The following SP4 variants were observed in gnomAD, a reference collection of about 807,000 sequenced individuals.
SP4 encodes the protein Sp4 transcription factor, also known as transcription factor Sp4.
In SP4, 19 loss-of-function variants were observed where a neutral mutation model predicts 72.8. The observed-to-expected ratio is 0.26, with a 90% CI of 0.18 to 0.38. The LOEUF is 0.38. SP4 is among the 10% of genes least tolerant of loss of function. The pLI is 1.00. For missense variants in SP4, 1,008 were observed against 926.3 expected, an observed-to-expected ratio of 1.09 and a Z score of -1.14; for synonymous variants, 395 against 333.1, an observed-to-expected ratio of 1.19 and a Z score of -2.02.
chr7:21,494,282 C>T (rs959996554), intron 5 of SP4, among the ~76,000 whole-genome samples: 4 of 152,168 alleles, frequency 2.6e-5, no homozygotes, highest in Non-Finnish European at 4.4e-5. Flanking sequence ...AATTTCTACC[C>T]AGTGCAGTAA....
intron 3 of SP4, chr7:21,471,100 G>A (rs758187170): frequency 4.3e-5 from 23 of 534,678 alleles, no homozygotes; most frequent in Admixed American, 1.7e-4. Context: ...GAGAAGACAG[G>A]AGTTCACTGT....
intron 5 of SP4, among the ~76,000 whole-genome samples, chr7:21,493,932 A>T (rs1383853885): frequency 1.3e-5 from 2 of 152,214 alleles, no homozygotes; most frequent in Non-Finnish European, 2.9e-5. Context: ...CCAGCAATAT[A>T]TAAAAAGGAT....
At chr7:21,482,610 G>T in intron 5 of SP4, 7 of 975,672 alleles carry the variant, frequency 7.2e-6, no homozygotes, top group Non-Finnish European at 8.5e-6. Context: ...TTCAAATACA[G>T]CAAAGCAGTT....
intron 3 of SP4, among the ~76,000 whole-genome samples, chr7:21,463,252 T>A (rs1470426212): frequency 1.3e-5 from 2 of 151,942 alleles, no homozygotes; most frequent in East Asian, 3.9e-4. Context: ...ATCTACAGAT[T>A]GTAAGGTGCA....
At chr7:21,445,100 A>T (rs1583388509) in intron 3 of SP4, among the ~76,000 whole-genome samples, 1 of 152,168 alleles carries the variant, frequency 6.6e-6, no homozygotes, top group East Asian at 1.9e-4. Context: ...TCACAAACTA[A>T]TTTTGAATAA....
At chr7:21,471,095 G>C in intron 3 of SP4, 1 of 534,800 alleles carries the variant, frequency 1.9e-6, no homozygotes, top group South Asian at 1.4e-5. Flanking sequence ...CATTAGAGAA[G>C]ACAGGAGTTC....
Position 21,466,162 on chromosome 7 carries a change from G to C in SP4, c.1679-10917G>C, listed in dbSNP as rs144323562. On this transcript the variant is annotated intron_variant, in intron 3 of 5. Transcript: ENST00000222584. ...ATATTATAATTATTTATTTGAGTGT[G>C]TCTTCCCTACAGGTGAGGGCTTCTG... Among the ~76,000 whole-genome samples, 152 of 152,216 alleles carry C rather than the reference G, an allele frequency of 1.0e-3. 2 individuals carry two copies. The East Asian group carries it at 0.021, about 21-fold the overall frequency.
chr7:21,440,719 C>T lies in SP4; in HGVS notation c.1678+9876C>T, dbSNP rs1433209289. Among the ~76,000 whole-genome samples the T allele has an allele frequency of 3.9e-5, 6 of 151,962 alleles. No individual in the cohort carries two copies. In the South Asian group the frequency reaches 6.2e-4, roughly 16 times the overall value. ...CAAAAATTAGCTGGGCATAGTGGTG[C>T]ATGCCTGTAGTCCCATCTACTCTGG... On this transcript the variant is annotated intron_variant, in intron 3 of 5. Transcript: ENST00000222584.
At chr7:21,458,348 A>G (rs904850815) in intron 3 of SP4, among the ~76,000 whole-genome samples, 6 of 152,064 alleles carry the variant, frequency 3.9e-5, no homozygotes, top group African/African-American at 4.8e-5. Flanking sequence ...AACTGCCATC[A>G]TGCCTGGCTA....
intron 4 of SP4, among the ~76,000 whole-genome samples, chr7:21,478,780 T>C (rs1344410849): frequency 6.6e-6 from 1 of 152,142 alleles, no homozygotes; most frequent in Non-Finnish European, 1.5e-5. Flanking sequence ...TTGAAAATAT[T>C]GTCTCCTGGC....
At chr7:21,502,052 C>G (rs958165826) in intron 5 of SP4, among the ~76,000 whole-genome samples, 13 of 137,228 alleles carry the variant, frequency 9.5e-5, no homozygotes, top group Admixed American at 3.6e-4. Context: ...CCCCCCCCCC[C>G]CGGAACTCCT....
At position 21,513,008 on chromosome 7, in the gene SP4, G is replaced by C. The variant is rs1018815729; in HGVS notation, c.*1739G>C. 1.3e-5 allele frequency: 2 copies of C among 152,596 alleles called. No individual in the cohort carries two copies. The highest frequency in any genetic ancestry group is 4.8e-5 in the African/African-American group (2 of 41,436). 9.5% of individuals were successfully genotyped at this position (152,596 alleles called of 1,614,324 possible). On this transcript the variant is annotated 3_prime_UTR_variant, in exon 6 of 6. Coordinates refer to ENST00000222584, the MANE Select transcript of SP4 (RefSeq NM_003112.5). ...TCATAATCAGTGAAATTGACCATTT[G>C]AAAACTAAAAGTTTTTACCTACCTG...
intron 2 of SP4, 78 bp from the exon 3 acceptor site, chr7:21,429,211 C>T (rs1170660626): frequency 1.4e-6 from 1 of 735,064 alleles, no homozygotes; most frequent in African/African-American, 1.8e-5. Context: ...AAGTAACCCC[C>T]TGGCAACTAC....
At position 21,428,795 on chromosome 7, in the gene SP4, A is replaced by G; in HGVS notation, c.123+3A>G. On this transcript the variant is annotated splice_donor_region_variant and intron_variant, in intron 2 of 5. Transcript: ENST00000222584. ...AACCCAAAACCTCAGGCTCCCAGGTAAAAGCAAACAAATTAAAAAAATTCA... is the reference window on the plus strand; with the variant it reads ...AACCCAAAACCTCAGGCTCCCAGGTGAAAGCAAACAAATTAAAAAAATTCA... 1 of 1,544,488 alleles carries G rather than the reference A, an allele frequency of 6.5e-7. No homozygotes were observed. Among genetic ancestry groups the G allele is most frequent in the Non-Finnish European group, 8.7e-7 (1 of 1,144,798 alleles).
intron 5 of SP4, among the ~76,000 whole-genome samples, chr7:21,488,212 C>G (rs185175377): frequency 2.0e-5 from 3 of 152,074 alleles, no homozygotes; most frequent in African/African-American, 7.2e-5. Context: ...CTGTGTTACA[C>G]TGGAAGATGC....
At chr7:21,482,852 T>G (rs1434958319) in intron 5 of SP4, 3 of 570,668 alleles carry the variant, frequency 5.3e-6, no homozygotes, top group East Asian at 2.8e-4. Flanking sequence ...ATGAATTTCC[T>G]TGAACTGCTA....
chr7:21,460,420 C>T (rs1054093700), intron 3 of SP4, among the ~76,000 whole-genome samples: 1 of 149,306 alleles, frequency 6.7e-6, no homozygotes, highest in Non-Finnish European at 1.5e-5. Context: ...TCGCTGGCTT[C>T]AGGAGTGAAG....
At chr7:21,458,410 C>G (rs749938372) in intron 3 of SP4, among the ~76,000 whole-genome samples, 2 of 152,184 alleles carry the variant, frequency 1.3e-5, no homozygotes, top group Non-Finnish European at 2.9e-5. Context: ...TCTTGAACTC[C>G]TGACCTCAGG....
chr7:21,476,574 A>C (rs2128409269), intron 3 of SP4, among the ~76,000 whole-genome samples: 1 of 152,338 alleles, frequency 6.6e-6, no homozygotes, highest in South Asian at 2.1e-4. Flanking sequence ...ATCAATAAAG[A>C]GATGTTTATT....
Sources: allele counts gnomAD v4.1 joint callset (sites outside exome capture counted in the v4.1 genomes callset), GRCh38; gene constraint gnomAD v4.1.1; transcripts MANE v1.5; gene names NCBI Gene and HGNC (gene_info 2026-07-23, HGNC 2026-07-21).